SDK1: variants seen among roughly 807,000 people sequenced by gnomAD.
The protein encoded by SDK1 is sidekick cell adhesion molecule 1.
A neutral mutation model predicts 245.5 loss-of-function variants in SDK1; 157 were observed. That is an observed-to-expected ratio of 0.64 (90% CI 0.56 to 0.73). The LOEUF (loss-of-function observed/expected upper bound fraction) is 0.73. Ranked by LOEUF, SDK1 falls within the 30% of genes least tolerant of loss-of-function variation. The pLI, the probability that SDK1 is intolerant of heterozygous loss-of-function variation, is 0.00. For missense variants in SDK1, 3,583 were observed against 3,002.3 expected (o/e 1.19, Z -4.52); for synonymous variants, 1,647 against 1,278.5 (o/e 1.29, Z -6.15).
At chr7:3,912,668 C>T (rs1469409902) in intron 5 of SDK1, among the ~76,000 whole-genome samples, 1 of 152,232 alleles carries the variant, frequency 6.6e-6, no homozygotes, top group African/African-American at 2.4e-5. Context: ...CCCCTGGGCC[C>T]ACCCCACGGA....
chr7:4,071,790 G>C (rs371250524), intron 20 of SDK1, among the ~76,000 whole-genome samples: 1 of 152,158 alleles, frequency 6.6e-6, no homozygotes, highest in Non-Finnish European at 1.5e-5. Context: ...GGGGCTGCCC[G>C]GGTAGGAAAG....
intron 5 of SDK1, among the ~76,000 whole-genome samples, chr7:3,929,325 G>T (rs955406444): frequency 6.6e-6 from 1 of 152,186 alleles, no homozygotes; most frequent in South Asian, 2.1e-4. Context: ...GCTGTAATCT[G>T]CCAGCTTGAA....
At chr7:3,941,086 C>G (rs532104526) in intron 5 of SDK1, among the ~76,000 whole-genome samples, 4 of 152,168 alleles carry the variant, frequency 2.6e-5, no homozygotes, top group Admixed American at 2.6e-4. Context: ...TGAGCTTTCT[C>G]CCTTATAAGC....
chr7:3,992,348 G>C lies in SDK1; in HGVS notation c.2131+5026G>C, dbSNP rs181054404. ...CAGGCATGCCAGGGTTTGCCTCTCT[G>C]AGAAGTTTGATGGTTCTCCTGTCCC... On this transcript the variant is annotated intron_variant, in intron 14 of 44. Transcript: ENST00000404826. Among the ~76,000 whole-genome samples the C allele has an allele frequency of 2.1e-3, 317 of 152,340 alleles. 2 individuals are homozygous for C. The highest frequency in any genetic ancestry group is 7.3e-3 in the African/African-American group (303 of 41,592).
intron 1 of SDK1, among the ~76,000 whole-genome samples, chr7:3,434,407 G>A (rs1013428049): frequency 2.0e-5 from 3 of 152,150 alleles, no homozygotes; most frequent in Non-Finnish European, 2.9e-5. Flanking sequence ...TGTGCCCTAC[G>A]CCACTGTGGT....
chr7:4,199,265 C>T (rs1783754558), intron 35 of SDK1, among the ~76,000 whole-genome samples: 1 of 152,152 alleles, frequency 6.6e-6, no homozygotes, highest in African/African-American at 2.4e-5. Context: ...CTGTGAGGAC[C>T]CGGATCTTCC....
At chr7:4,032,862 G>C (rs967724761) in intron 17 of SDK1, among the ~76,000 whole-genome samples, 1 of 152,176 alleles carries the variant, frequency 6.6e-6, no homozygotes, top group Non-Finnish European at 1.5e-5. Context: ...TGAACAGGAA[G>C]ACTCAACATC....
rs957329254 is a variant in SDK1, at chr7:3,769,875, A to G, written c.714-51575A>G. Among the ~76,000 whole-genome samples, 20 of 151,728 alleles carry G rather than the reference A, an allele frequency of 1.3e-4. No individual in the cohort carries two copies. The South Asian group carries it at 4.0e-3, about 30-fold the overall frequency. On this transcript the variant is annotated intron_variant, in intron 4 of 44. Transcript: ENST00000404826. ...TTCCTGCTTGTTCACAATAGGTACT[A>G]ATTGATGCTCAGCTGAAAGTCAAAC...
chr7:3,646,420 T>C (rs1782837657), intron 4 of SDK1, among the ~76,000 whole-genome samples: 2 of 152,244 alleles, frequency 1.3e-5, no homozygotes, highest in African/African-American at 4.8e-5. Flanking sequence ...CTATTATTTA[T>C]TGAGTACCTA....
intron 1 of SDK1, among the ~76,000 whole-genome samples, chr7:3,388,371 C>T (rs372712582): frequency 4.7e-5 from 7 of 148,618 alleles, no homozygotes; most frequent in African/African-American, 1.2e-4. Context: ...ATCTGTCAAA[C>T]GCTATGTGAT....
intron 1 of SDK1, among the ~76,000 whole-genome samples, chr7:3,453,018 G>A (rs1055615676): frequency 1.3e-5 from 2 of 152,072 alleles, no homozygotes; most frequent in Non-Finnish European, 2.9e-5. Flanking sequence ...TGCCATCCCC[G>A]TCTTGCCATT....
chr7:3,786,456 C>A (rs536767099), intron 4 of SDK1, among the ~76,000 whole-genome samples: 2 of 152,242 alleles, frequency 1.3e-5, no homozygotes, highest in South Asian at 4.2e-4. Context: ...GACCTTAAAT[C>A]CTAGCCTAGC....
In SDK1 at chr7:4,068,078, G is replaced by A. The variant is rs78772272; in HGVS notation, c.3010+142G>A. The stretch of plus-strand genomic sequence containing the variant: ...GAGGAACTGAAAAGTCTTCCTGGCC[G>A]TGTGGCAGAGTCCCAGCACTGGGAC... On this transcript the variant is annotated intron_variant, in intron 20 of 44. Coordinates refer to ENST00000404826, the MANE Select transcript of SDK1 (RefSeq NM_152744.4). The A allele has an allele frequency of 5.3e-3, 3,313 of 630,092 alleles. 39 individuals are homozygous for A. Among genetic ancestry groups the A allele is most frequent in the South Asian group, 0.028 (1,445 of 51,678 alleles). The allele number at this position is 630,092 out of a possible 1,614,324, so 39.0% of individuals were successfully genotyped here.
intron 20 of SDK1, among the ~76,000 whole-genome samples, chr7:4,074,886 GTATATATA>G (rs1240017364): frequency 1.6e-3 from 77 of 48,070 alleles, no homozygotes; most frequent in African/African-American, 2.2e-3. Flanking sequence ...CTCTCTCTCT[GTATATATA>G]TATATATATA....
chr7:4,206,162 G>A (rs1784211982), intron 36 of SDK1, among the ~76,000 whole-genome samples, 168 bp downstream of exon 36: 1 of 152,262 alleles, frequency 6.6e-6, no homozygotes, highest in Admixed American at 6.5e-5. Flanking sequence ...TGTGGTCACA[G>A]CTGCTTGTGG....
intron 4 of SDK1, among the ~76,000 whole-genome samples, chr7:3,650,252 G>GT (rs998236863): frequency 6.6e-6 from 1 of 152,118 alleles, no homozygotes; most frequent in African/African-American, 2.4e-5. Flanking sequence ...AGTATAGTTA[G>GT]TGGCACTAAG....
chr7:3,677,883 C>G (rs1356497444), intron 4 of SDK1, among the ~76,000 whole-genome samples: 1 of 152,096 alleles, frequency 6.6e-6, no homozygotes, highest in Non-Finnish European at 1.5e-5. Context: ...GTACAAAACT[C>G]CATAGAATCT....
At chr7:4,008,406 C>T (rs888629795) in intron 14 of SDK1, among the ~76,000 whole-genome samples, 3 of 152,218 alleles carry the variant, frequency 2.0e-5, no homozygotes, top group Admixed American at 6.5e-5. Flanking sequence ...CCTCCTTGGC[C>T]AGTCGCCATG....
At chr7:3,890,054 A>C (rs1781422844) in intron 5 of SDK1, among the ~76,000 whole-genome samples, 2 of 152,144 alleles carry the variant, frequency 1.3e-5, no homozygotes, top group African/African-American at 4.8e-5. Flanking sequence ...TGCTCAAATC[A>C]GACAGAGCCT....
Sources: gnomAD v4.1 joint callset for allele counts (sites outside exome capture counted in the v4.1 genomes callset) on GRCh38, gnomAD v4.1.1 for gene constraint, MANE v1.5 for transcripts, NCBI Gene and HGNC (gene_info 2026-07-23, HGNC 2026-07-21) for gene names.